PLCD3: variants seen among roughly 807,000 people sequenced by gnomAD.
PLCD3 encodes phospholipase C delta 3, also known as 1-phosphatidylinositol 4,5-bisphosphate phosphodiesterase delta-3.
In PLCD3, 62 loss-of-function variants were observed where a neutral mutation model predicts 82.8. That is an observed-to-expected ratio of 0.75 (90% CI 0.61 to 0.93). PLCD3 has a LOEUF of 0.93. Ranked by LOEUF, PLCD3 falls within the 40% of genes least tolerant of loss-of-function variation. The pLI is 0.00. For synonymous variants in PLCD3, 478 were observed against 471.8 expected (o/e 1.01, Z -0.17); for missense variants, 1,023 against 1,103.4 (o/e 0.93, Z 1.03).
intron 1 of PLCD3, among the ~76,000 whole-genome samples, chr17:45,128,647 G>A (rs1485921022): frequency 6.6e-6 from 1 of 152,264 alleles, no homozygotes; most frequent in Non-Finnish European, 1.5e-5. Context: ...TGCCCATGGG[G>A]AGGATGAGGG....
At position 45,112,427 on chromosome 17, in the gene PLCD3, T is replaced by C. The variant is rs1230737944; in HGVS notation, c.*189A>G. 10 of 641,050 alleles carry C rather than the reference T, an allele frequency of 1.6e-5. No individual in the cohort carries two copies. The highest frequency in any genetic ancestry group is 8.2e-6 in the Non-Finnish European group (3 of 365,694). 39.7% of individuals were successfully genotyped at this position (641,050 alleles called of 1,614,324 possible). On this transcript the variant is annotated 3_prime_UTR_variant, in exon 15 of 15. Coordinates refer to ENST00000619929, the MANE Select transcript of PLCD3 (RefSeq NM_133373.5). ...CACTGAAGTCACATGAACACCTTTC[T>C]GTTCTTCAGGAGGGGCCCAGGCAGC...
chr17:45,118,314 G>A lies in PLCD3; in HGVS notation c.1092C>T (p.Pro364=), dbSNP rs1240488904. The A allele has an allele frequency of 6.2e-7, 1 of 1,614,044 alleles. No homozygotes were observed. The highest frequency in any genetic ancestry group is 8.5e-7 in the Non-Finnish European group (1 of 1,179,906). Reference sequence around the variant, plus strand: ...ACCTAACATAGGCCTCGGTGCTGCTGGGCCCCCCGATCTGGGAGTCAGTCA... The same window carrying A: ...ACCTAACATAGGCCTCGGTGCTGCTAGGCCCCCCGATCTGGGAGTCAGTCA... ...TYLTDSQIGG[P]SSTEAYVRAF... is the part of the protein sequence containing the mutation. The change falls in exon 6 of 15, where the codon CCC becomes CCT. Residue 364 remains proline (P), a synonymous_variant. Coordinates refer to ENST00000619929, the MANE Select transcript of PLCD3 (RefSeq NM_133373.5). This position sits in a 1 kb window ranked among gnomAD's most constrained non-coding sequence, Gnocchi z 4.1.
chr17:45,120,793 C>T, intron 3 of PLCD3, 109 bp downstream of exon 3: 2 of 1,126,310 alleles, frequency 1.8e-6, no homozygotes, highest in Non-Finnish European at 2.2e-6. Context: ...CGTGCGCCCT[C>T]AGGACAGGGC....
chr17:45,120,776 C>A (rs2054330028), intron 3 of PLCD3, 126 bp downstream of exon 3: 2 of 1,175,310 alleles, frequency 1.7e-6, no homozygotes, highest in East Asian at 2.8e-5. Context: ...AGGGCTCCGA[C>A]CCAGACCGTG....
intron 1 of PLCD3, among the ~76,000 whole-genome samples, chr17:45,124,048 C>T (rs978653736): frequency 1.3e-5 from 2 of 151,880 alleles, no homozygotes; most frequent in Non-Finnish European, 2.9e-5. Flanking sequence ...AGCGCCACTA[C>T]ACTTAGGCAC....
intron 3 of PLCD3, 114 bp downstream of exon 3, chr17:45,120,788 G>T: frequency 8.9e-7 from 1 of 1,120,172 alleles, no homozygotes; most frequent in Non-Finnish European, 1.1e-6. Context: ...CAGACCGTGC[G>T]CCCTCAGGAC....
chr17:45,116,432 T>A (rs1250979449), intron 8 of PLCD3, among the ~76,000 whole-genome samples, 200 bp downstream of exon 8: 1 of 147,244 alleles, frequency 6.8e-6, no homozygotes, highest in Non-Finnish European at 1.5e-5. Flanking sequence ...TGTGGGGGGG[T>A]CTAGTCAAGA....
Position 45,132,026 on chromosome 17 carries a change from CT to C in PLCD3, c.163+221del, listed in dbSNP as rs1349505646. On this transcript the variant is annotated intron_variant, in intron 1 of 14. Transcript: ENST00000619929. This position sits in a 1 kb window ranked among gnomAD's most constrained non-coding sequence, Gnocchi z 4.6. ...GCTTCAGACGCCCCGCGAGCGCCCC[CT>C]GGTGGGAAGCAAAGAACACCCTGGG... Among the ~76,000 whole-genome samples, 1 of 152,234 alleles carries C rather than the reference CT, an allele frequency of 6.6e-6. No individual in the cohort carries two copies. Among genetic ancestry groups the C allele is most frequent in the Admixed American group, 6.5e-5 (1 of 15,292 alleles).
Position 45,124,223 on chromosome 17 carries a change from G to A in PLCD3, c.164-2851C>T, listed in dbSNP as rs1399714336. ...AGGCCGGAAATGGGGGTGAGTCACC[G>A]GGGCCTGCTCTGTCCAGAGCCTTCT... On this transcript the variant is annotated intron_variant, in intron 1 of 14. Coordinates refer to ENST00000619929, the MANE Select transcript of PLCD3 (RefSeq NM_133373.5). 3.3e-5 allele frequency among the ~76,000 whole-genome samples: 5 copies of A among 152,342 alleles called. No individual in the cohort carries two copies. The East Asian group carries it at 9.6e-4, about 29-fold the overall frequency.
At chr17:45,116,339 T>C (rs1173700001) in intron 8 of PLCD3, among the ~76,000 whole-genome samples, 6 of 150,906 alleles carry the variant, frequency 4.0e-5, no homozygotes, top group Non-Finnish European at 5.9e-5. Flanking sequence ...GCCTTGCAGG[T>C]GGGAATGGCA....
chr17:45,115,218 C>A lies in PLCD3; in HGVS notation c.1587G>T (p.Ser529=). ...TGGCGTGGCAGTACACAGCCAGGGCCGACAGCTCCGGGGAGATCTGCTTGG... is the reference window on the plus strand; with the variant it reads ...TGGCGTGGCAGTACACAGCCAGGGCAGACAGCTCCGGGGAGATCTGCTTGG... The part of the protein sequence containing the change: ...RLAKQISPEL[S]ALAVYCHATR... Residue 529 remains serine, a synonymous_variant, in exon 10 of 15, where the codon TCG becomes TCT. Coordinates refer to ENST00000619929, the MANE Select transcript of PLCD3 (RefSeq NM_133373.5). The A allele has an allele frequency of 6.4e-7, 1 of 1,572,996 alleles. No homozygotes were observed. The highest frequency in any genetic ancestry group is 8.6e-7 in the Non-Finnish European group (1 of 1,158,054).
chr17:45,129,565 G>A (rs543381527), intron 1 of PLCD3, among the ~76,000 whole-genome samples: 7 of 152,300 alleles, frequency 4.6e-5, no homozygotes, highest in South Asian at 4.1e-4. Context: ...GGCCTTGGGC[G>A]GTGATTTCAC....
intron 4 of PLCD3, among the ~76,000 whole-genome samples, chr17:45,119,590 T>C (rs1053484272): frequency 2.0e-5 from 3 of 152,222 alleles, no homozygotes; most frequent in Admixed American, 6.5e-5. Flanking sequence ...CTCTGCACCA[T>C]GACCTACCCC....
Position 45,113,301 on chromosome 17 carries a change from G to A in PLCD3, c.1996-44C>T, listed in dbSNP as rs112660060. On this transcript the variant is annotated intron_variant, in intron 12 of 14. Coordinates refer to ENST00000619929, the MANE Select transcript of PLCD3 (RefSeq NM_133373.5). The stretch of plus-strand genomic sequence containing the variant: ...GTGGCTGGGGCCCACGCCCACCTTG[G>A]CCATCCCCTCATGGGCCTCAAGCTC... The A allele has an allele frequency of 7.6e-4, 1,184 of 1,566,682 alleles. 7 individuals carry two copies. The African/African-American group carries it at 0.014, about 18-fold the overall frequency.
Position 45,118,979 on chromosome 17 carries a change from A to C in PLCD3, c.749T>G (p.Leu250Arg). 3 of 1,611,938 alleles carry C rather than the reference A, an allele frequency of 1.9e-6. No individual in the cohort carries two copies. Among genetic ancestry groups the C allele is most frequent in the Non-Finnish European group, 2.5e-6 (3 of 1,179,614 alleles). ...GAEIEEFLRR[L>R]LKRPELEEIF... The stretch of plus-strand genomic sequence containing the variant: ...CTCCTCCAGCTCCGGCCGCTTCAGC[A>C]GCCGCCGCAGGAACTCCTCGATCTC... Residue 250 changes from leucine to arginine, a missense_variant, in exon 5 of 15, where the codon CTG (leucine) becomes CGG (arginine). Physicochemically the swap from Leu to Arg is moderately radical, Grantham distance 102. Around this residue, in one of 3 missense-constraint regions of PLCD3, gnomAD observed 448 missense variants for 406.3 expected, o/e 1.10. Transcript: ENST00000619929. This position sits in a 1 kb window ranked among gnomAD's most constrained non-coding sequence, Gnocchi z 4.1.
Position 45,109,655 on chromosome 17 carries a change from C to G in PLCD3, c.*2961G>C, listed in dbSNP as rs1040760708. 2 of 152,518 alleles carry G rather than the reference C, an allele frequency of 1.3e-5. No homozygotes were observed. The highest frequency in any genetic ancestry group is 1.3e-4 in the Admixed American group (2 of 15,278). The allele number at this position is 152,518 out of a possible 1,614,324, so 9.4% of individuals were successfully genotyped here. Reference sequence around the variant, plus strand: ...ACCTGCCTGACCCCTCTAAAGCCCCCCAACCCTCCTGTCCCAAACCAAGTC... The same window carrying G: ...ACCTGCCTGACCCCTCTAAAGCCCCGCAACCCTCCTGTCCCAAACCAAGTC... On this transcript the variant is annotated 3_prime_UTR_variant, in exon 15 of 15. Transcript: ENST00000619929.
In PLCD3 at chr17:45,115,263, C is replaced by A; in HGVS notation, c.1561-19G>T. ...GCTTGGCCTAGGAGACCAGGCTCAGCGGGGTTCAGCTGGCCCCCGCTTCCC... is the reference window on the plus strand; with the variant it reads ...GCTTGGCCTAGGAGACCAGGCTCAGAGGGGTTCAGCTGGCCCCCGCTTCCC... On this transcript the variant is annotated intron_variant, in intron 9 of 14. Transcript: ENST00000619929. 6.5e-7 allele frequency: 1 copy of A among 1,541,958 alleles called. No individual in the cohort carries two copies. Among genetic ancestry groups the A allele is most frequent in the Non-Finnish European group, 8.8e-7 (1 of 1,139,692 alleles).
chr17:45,127,444 T>C (rs1445926793), intron 1 of PLCD3, among the ~76,000 whole-genome samples: 1 of 152,136 alleles, frequency 6.6e-6, no homozygotes, highest in African/African-American at 2.4e-5. Flanking sequence ...GCGTGGATGG[T>C]CTGGGGCCTG....
At position 45,113,574 on chromosome 17, in the gene PLCD3, C is replaced by T. The variant is rs1310593620; in HGVS notation, c.1860G>A (p.Glu620=). The change falls in exon 12 of 15, where the codon GAG becomes GAA. Residue 620 remains glutamate (E), a synonymous_variant. Coordinates refer to ENST00000619929, the MANE Select transcript of PLCD3 (RefSeq NM_133373.5). The part of the protein sequence containing the change: ...VALNFQTPGY[E]MDLNAGRFLV... ...GGAAGCGCCCGGCATTGAGGTCCAT[C>T]TCGTAGCCTGGCGTCTGGAAGTTCA... 3.2e-6 allele frequency: 5 copies of T among 1,558,366 alleles called. No homozygotes were observed. The highest frequency in any genetic ancestry group is 4.3e-6 in the Non-Finnish European group (5 of 1,151,012).
Sources: gnomAD v4.1 joint callset for allele counts (sites outside exome capture counted in the v4.1 genomes callset) on GRCh38, gnomAD v4.1.1 for gene constraint, gnomAD v4.1.1 regional missense constraint, Gnocchi (gnomAD v3.1) non-coding constraint, MANE v1.5 for transcripts, NCBI Gene and HGNC (gene_info 2026-07-23, HGNC 2026-07-21) for gene names.